The following MUCL3 variants were observed in gnomAD, a reference collection of about 807,000 sequenced individuals.
MUCL3 encodes the protein mucin-like protein 3.
A neutral mutation model predicts 70.2 loss-of-function variants in MUCL3; 42 were observed. That is an observed-to-expected ratio of 0.60 (90% CI 0.47 to 0.77). MUCL3 has a LOEUF of 0.77. Among genes scored for constraint, MUCL3 ranks in the 30% least tolerant of loss-of-function variants. MUCL3 has a pLI of 0.00. For synonymous variants in MUCL3, 522 were observed against 647.0 expected (o/e 0.81, Z 2.93); for missense variants, 1,429 against 1,670.0 (o/e 0.86, Z 2.52).
Position 30,948,816 on chromosome 6 carries a change from C to T in MUCL3, c.352C>T (p.Pro118Ser). 3 of 1,551,680 alleles carry T rather than the reference C, an allele frequency of 1.9e-6. No individual in the cohort carries two copies. Among genetic ancestry groups the T allele is most frequent in the Non-Finnish European group, 2.6e-6 (3 of 1,146,990 alleles). ...AAGCTCTACAGATAATCATGAGGCT[C>T]CTCCCACTTCTGAAGAAAACTCCAG... ...HKSSTDNHEA[P>S]PTSEENSSNQ... Residue 118 changes from proline to serine, a missense_variant, in exon 2 of 3, where the codon CCT (proline) becomes TCT (serine). By Grantham distance (74) the Pro-to-Ser change is moderately conservative. Coordinates refer to ENST00000462446, the MANE Select transcript of MUCL3 (RefSeq NM_080870.4).
chr6:30,950,144 A>G lies in MUCL3; in HGVS notation c.1680A>G (p.Thr560=). Residue 560 remains threonine (T), a synonymous_variant, in exon 2 of 3, where the codon ACA becomes ACG. Coordinates refer to ENST00000462446, the MANE Select transcript of MUCL3 (RefSeq NM_080870.4). ...CCACACCATCCCCAGCAGAGCCTAC[A>G]GAAAATGGAGACAGGACTCCTTTGG... The part of the protein sequence containing the change: ...EKTTPSPAEP[T]ENGDRTPLAN... 2.6e-6 allele frequency: 4 copies of G among 1,551,284 alleles called. No individual in the cohort carries two copies. The highest frequency in any genetic ancestry group is 3.5e-6 in the Non-Finnish European group (4 of 1,146,952).
Position 30,953,329 on chromosome 6 carries a change from GAAT to G in MUCL3, c.*217_*219del. Reference sequence around the variant, plus strand: ...GTTTAGGGGACAAAGAAGAAAGAATGAATAATACGAGCAGACATTCTCTGTAGA... The same window carrying G: ...GTTTAGGGGACAAAGAAGAAAGAATGAATACGAGCAGACATTCTCTGTAGA... On this transcript the variant is annotated 3_prime_UTR_variant, in exon 3 of 3. Coordinates refer to ENST00000462446, the MANE Select transcript of MUCL3 (RefSeq NM_080870.4). 1 of 655,130 alleles carries G rather than the reference GAAT, an allele frequency of 1.5e-6. No homozygotes were observed. The highest frequency in any genetic ancestry group is 2.6e-6 in the Non-Finnish European group (1 of 390,434). 40.6% of individuals were successfully genotyped at this position (655,130 alleles called of 1,614,324 possible). A position where few individuals can be genotyped will look rare whatever the true frequency, so the allele number is the denominator to read the frequency against.
intron 1 of MUCL3, among the ~76,000 whole-genome samples, chr6:30,946,855 T>C (rs1194191544): frequency 3.9e-5 from 6 of 152,210 alleles, no homozygotes; most frequent in African/African-American, 1.4e-4. Context: ...TGTTTCTTCA[T>C]CTATAAAGTT....
chr6:30,945,945 C>T (rs1463490173), intron 1 of MUCL3: 1 of 152,310 alleles, frequency 6.6e-6, no homozygotes, highest in African/African-American at 2.4e-5. Flanking sequence ...CAGAGTGAGA[C>T]TCCATCTCAA....
Position 30,952,383 on chromosome 6 carries a change from A to T in MUCL3, c.3919A>T (p.Lys1307Ter). 1 of 1,614,218 alleles carries T rather than the reference A, an allele frequency of 6.2e-7. No homozygotes were observed. Among genetic ancestry groups the T allele is most frequent in the Non-Finnish European group, 8.5e-7 (1 of 1,180,036 alleles). Residue 1307 changes from lysine to a stop codon, truncating the protein, a stop_gained, in exon 2 of 3, where the codon AAA (lysine) becomes TAA (stop). Transcript: ENST00000462446. LOFTEE classifies it high-confidence loss of function. ...ATACCTCAATAAAGATGGCTCACAG[A>T]AAGGTATCCACGCTGGACAGATGGG... Reference protein sequence around the residue: ...HPYLNKDGSQKGIHAGQMGEN... With the variant: ...HPYLNKDGSQ
At position 30,952,226 on chromosome 6, in the gene MUCL3, CACT is replaced by C. The variant is rs1760746472; in HGVS notation, c.3768_3770del (p.Thr1257del). 6.2e-7 allele frequency: 1 copy of C among 1,614,022 alleles called. No individual in the cohort carries two copies. Among genetic ancestry groups the C allele is most frequent in the Non-Finnish European group, 8.5e-7 (1 of 1,180,018 alleles). On this transcript the variant is annotated inframe_deletion, in exon 2 of 3. Coordinates refer to ENST00000462446, the MANE Select transcript of MUCL3 (RefSeq NM_080870.4). ...TCAAGGTCACAGGAGACAAATCTCTCACTACTACCTCTTCTCATCTAAATAAAA... is the reference window on the plus strand; with the variant it reads ...TCAAGGTCACAGGAGACAAATCTCTCACTACCTCTTCTCATCTAAATAAAA...
Position 30,952,175 on chromosome 6 carries a change from A to C in MUCL3, c.3711A>C (p.Ala1237=). The part of the protein sequence containing the change: ...KSTENPEKTA[A]VTKTIKPSVK... ...CAGAAAACCCAGAAAAAACAGCAGCAGTCACAAAGACTATAAAACCTTCAG... is the reference window on the plus strand; with the variant it reads ...CAGAAAACCCAGAAAAAACAGCAGCCGTCACAAAGACTATAAAACCTTCAG... The change falls in exon 2 of 3, where the codon GCA becomes GCC. Residue 1237 remains alanine (A), a synonymous_variant. Coordinates refer to ENST00000462446, the MANE Select transcript of MUCL3 (RefSeq NM_080870.4). 6.2e-7 allele frequency: 1 copy of C among 1,614,168 alleles called. No homozygotes were observed. Among genetic ancestry groups the C allele is most frequent in the Non-Finnish European group, 8.5e-7 (1 of 1,180,038 alleles).
In MUCL3 at chr6:30,952,516, C is replaced by T. The variant is rs770558502; in HGVS notation, c.4035+17C>T. The T allele has an allele frequency of 6.4e-7, 1 of 1,567,280 alleles. No homozygotes were observed. Among genetic ancestry groups the T allele is most frequent in the East Asian group, 2.2e-5 (1 of 44,598 alleles). ...ATCTTCTTGGTAAGGGACAGATGTGCCCCACAGAAATCAACCTATGGGATA... is the reference window on the plus strand; with the variant it reads ...ATCTTCTTGGTAAGGGACAGATGTGTCCCACAGAAATCAACCTATGGGATA... On this transcript the variant is annotated intron_variant, in intron 2 of 2. Transcript: ENST00000462446.
At chr6:30,945,049 T>C (rs747977270) in intron 1 of MUCL3, among the ~76,000 whole-genome samples, 5 of 152,242 alleles carry the variant, frequency 3.3e-5, no homozygotes, top group Non-Finnish European at 7.3e-5. Context: ...TAATGACAAC[T>C]GGTATCCCAG....
At position 30,948,933 on chromosome 6, in the gene MUCL3, CAT is replaced by C. The variant is rs1361982193; in HGVS notation, c.473_474del (p.Ile158AsnfsTer12). On this transcript the variant is annotated frameshift_variant, in exon 2 of 3. Coordinates refer to ENST00000462446, the MANE Select transcript of MUCL3 (RefSeq NM_080870.4). LOFTEE classifies it high-confidence loss of function. The stretch of plus-strand genomic sequence containing the variant: ...ACATAAAGAATCCGCTGGAAAAAAA[CAT>C]ATAACGCCAGCACCCAAGAGCAAAA... ...TTHKESAGKK[H>X]ITPAPKSKIN... The C allele has an allele frequency of 1.6e-5, 25 of 1,550,406 alleles. No homozygotes were observed. Among genetic ancestry groups the C allele is most frequent in the African/African-American group, 4.1e-5 (3 of 72,856 alleles).
Position 30,952,180 on chromosome 6 carries a change from C to T in MUCL3, c.3716C>T (p.Thr1239Ile). The part of the protein sequence containing the change: ...TENPEKTAAV[T>I]KTIKPSVKVT... ...AACCCAGAAAAAACAGCAGCAGTCA[C>T]AAAGACTATAAAACCTTCAGTCAAG... The change falls in exon 2 of 3, where the codon ACA (threonine) becomes ATA (isoleucine). Residue 1239 changes from threonine (T) to isoleucine (I), a missense_variant. Coordinates refer to ENST00000462446, the MANE Select transcript of MUCL3 (RefSeq NM_080870.4). 2 of 1,614,110 alleles carry T rather than the reference C, an allele frequency of 1.2e-6. No individual in the cohort carries two copies. Among genetic ancestry groups the T allele is most frequent in the South Asian group, 1.1e-5 (1 of 91,068 alleles).
chr6:30,953,088 G>C lies in MUCL3; in HGVS notation c.4153G>C (p.Gly1385Arg). 7 of 1,614,216 alleles carry C rather than the reference G, an allele frequency of 4.3e-6. No homozygotes were observed. Among genetic ancestry groups the C allele is most frequent in the Non-Finnish European group, 5.9e-6 (7 of 1,180,032 alleles). ...CTACCTGATGGAGCAGCAGAATCTT[G>C]GCATGGGCCAGATCCCTTCCCCACG... ...PVYLMEQQNLGMGQIPSPR is the reference protein window; with the variant it reads ...PVYLMEQQNLRMGQIPSPR Residue 1385 changes from glycine (G) to arginine (R), a missense_variant, in exon 3 of 3, where the codon GGC (glycine) becomes CGC (arginine). By Grantham distance (125) the Gly-to-Arg change is moderately radical (BLOSUM62 -2). Coordinates refer to ENST00000462446, the MANE Select transcript of MUCL3 (RefSeq NM_080870.4).
intron 1 of MUCL3, among the ~76,000 whole-genome samples, chr6:30,942,414 A>T (rs1795616105): frequency 6.6e-6 from 1 of 152,100 alleles, no homozygotes; most frequent in Admixed American, 6.5e-5. Flanking sequence ...GACACTATCT[A>T]CCCACTGGAC....
Position 30,951,295 on chromosome 6 carries a change from A to T in MUCL3, c.2831A>T (p.Glu944Val), listed in dbSNP as rs944649333. 6.4e-7 allele frequency: 1 copy of T among 1,551,410 alleles called. No homozygotes were observed. Reference protein sequence around the residue: ...ITTPSRAEPTEHGERIANEKA... With the variant: ...ITTPSRAEPTVHGERIANEKA... ...ACACCATCCCGAGCAGAGCCTACAG[A>T]ACATGGAGAAAGGATAGCCAATGAG... is the stretch of plus-strand genomic sequence containing the variant. The change falls in exon 2 of 3, where the codon GAA (glutamate) becomes GTA (valine). Residue 944 changes from glutamate to valine, a missense_variant. By Grantham distance (121) the Glu-to-Val change is moderately radical. Transcript: ENST00000462446.
In MUCL3 at chr6:30,951,261, G is replaced by C; in HGVS notation, c.2797G>C (p.Glu933Gln). ...EHGERTPLAN[E>Q]ITTPSRAEPT... Reference sequence around the variant, plus strand: ...TGGAGAAAGGACCCCACTGGCCAATGAGATCACCACACCATCCCGAGCAGA... The same window carrying C: ...TGGAGAAAGGACCCCACTGGCCAATCAGATCACCACACCATCCCGAGCAGA... Residue 933 changes from glutamate to glutamine, a missense_variant, in exon 2 of 3, where the codon GAG becomes CAG. By Grantham distance (29) the Glu-to-Gln change is conservative. Transcript: ENST00000462446. 1 of 1,551,202 alleles carries C rather than the reference G, an allele frequency of 6.4e-7. No homozygotes were observed. Among genetic ancestry groups the C allele is most frequent in the Non-Finnish European group, 8.7e-7 (1 of 1,146,910 alleles).
chr6:30,948,648 C>T lies in MUCL3; in HGVS notation c.184C>T (p.His62Tyr). 6.4e-7 allele frequency: 1 copy of T among 1,551,656 alleles called. No individual in the cohort carries two copies. The highest frequency in any genetic ancestry group is 8.7e-7 in the Non-Finnish European group (1 of 1,146,996). Residue 62 changes from histidine (H) to tyrosine (Y), a missense_variant, in exon 2 of 3, where the codon CAC (histidine) becomes TAC (tyrosine). By Grantham distance (83) the His-to-Tyr change is moderately conservative. Transcript: ENST00000462446. Reference sequence around the variant, plus strand: ...CCTTGTTTATAGTATCCCTTTTGATCACATTGTTCTGCATTCAGGACAAAG... The same window carrying T: ...CCTTGTTTATAGTATCCCTTTTGATTACATTGTTCTGCATTCAGGACAAAG... Reference protein sequence around the residue: ...PGLVYSIPFDHIVLHSGQRPP... With the variant: ...PGLVYSIPFDYIVLHSGQRPP...
intron 1 of MUCL3, among the ~76,000 whole-genome samples, chr6:30,941,459 T>TCC (rs537884819): frequency 5.5e-5 from 2 of 36,470 alleles, no homozygotes; most frequent in African/African-American, 3.2e-4. Context: ...TTCTTCTTCT[T>TCC]TTTTTTTTTT....
rs1795547004 is a variant in MUCL3, at chr6:30,940,974, TC to T, written c.-22del. 1.3e-6 allele frequency: 2 copies of T among 1,546,714 alleles called. No homozygotes were observed. The highest frequency in any genetic ancestry group is 1.2e-5 in the South Asian group (1 of 84,004). On this transcript the variant is annotated 5_prime_UTR_variant, in exon 1 of 3. Transcript: ENST00000462446. The surrounding 1 kb of genome is among the most constrained non-coding windows in gnomAD (Gnocchi z 4.4). ...AAGGTGAGGGGTCCGCAGCCCATGG[TC>T]CCCAAGCAGCCACCCAGCTCCGACA...
chr6:30,943,111 C>T (rs1181363543), intron 1 of MUCL3, among the ~76,000 whole-genome samples: 1 of 152,132 alleles, frequency 6.6e-6, no homozygotes, highest in African/African-American at 2.4e-5. Context: ...GGAAGAGGGA[C>T]AACTGGGATG....
Sources: allele counts gnomAD v4.1 joint callset (sites outside exome capture counted in the v4.1 genomes callset), GRCh38; gene constraint gnomAD v4.1.1; non-coding constraint Gnocchi (gnomAD v3.1); transcripts MANE v1.5; gene names NCBI Gene and HGNC (gene_info 2026-07-23, HGNC 2026-07-21).